The following MST1 variants were observed in gnomAD, a reference collection of about 807,000 sequenced individuals.
The protein encoded by MST1 is hepatocyte growth factor-like protein.
MST1 carries 76 observed loss-of-function variants against 100.1 expected under a neutral mutation model. That is an observed-to-expected ratio of 0.76 (90% CI 0.63 to 0.92). The LOEUF is 0.92. MST1 is among the 40% of genes least tolerant of loss of function. The pLI is 0.00. For missense variants in MST1, 850 were observed against 990.0 expected, an observed-to-expected ratio of 0.86 and a Z score of 1.90; for synonymous variants, 352 against 385.4, an observed-to-expected ratio of 0.91 and a Z score of 1.01.
chr3:49,687,598 T>C lies in MST1; in HGVS notation c.313A>G (p.Arg105Gly), dbSNP rs760024193. The change falls in exon 3 of 18, where the codon AGG (arginine) becomes GGG (glycine). Residue 105 changes from arginine to glycine, a missense_variant. Around this residue, in one of 2 missense-constraint regions of MST1, gnomAD observed 816 missense variants for 924.6 expected, o/e 0.88. Transcript: ENST00000449682. ...LPWTQHSPHT[R>G]LRRSGRCDLF... ...TCACAGCGCCCAGAACGCCGCAGCC[T>C]CGTGTGGGGCGAGTGTTGAGTCCAT... is the stretch of plus-strand genomic sequence containing the variant. The C allele has an allele frequency of 1.2e-6, 2 of 1,613,380 alleles. No homozygotes were observed. Among genetic ancestry groups the C allele is most frequent in the Non-Finnish European group, 1.7e-6 (2 of 1,179,870 alleles).
Position 49,686,643 on chromosome 3 carries a change from G to A in MST1, c.847+41C>T, listed in dbSNP as rs750648061. The A allele has an allele frequency of 1.2e-5, 18 of 1,548,706 alleles. No individual in the cohort carries two copies. In the East Asian group the frequency reaches 3.2e-4, roughly 27 times the overall value. ...CCGGCCAAGCCACGCCCCTCCCCAA[G>A]GTTCCCAGGTACCCTCCCAGGCCTG... On this transcript the variant is annotated intron_variant, in intron 7 of 17. Transcript: ENST00000449682.
At chr3:49,685,176 G>T (rs2933247) in intron 13 of MST1, 86 bp downstream of exon 13, 5 of 1,599,318 alleles carry the variant, frequency 3.1e-6, no homozygotes, top group Non-Finnish European at 4.3e-6. Flanking sequence ...TCTGGGGGCA[G>T]GGATAGATTC....
Position 49,685,857 on chromosome 3 carries a change from C to T in MST1, c.1250+3G>A, listed in dbSNP as rs1303669390. 3.1e-6 allele frequency: 5 copies of T among 1,611,366 alleles called. No homozygotes were observed. The highest frequency in any genetic ancestry group is 4.2e-6 in the Non-Finnish European group (5 of 1,179,440). ...GGCGGGGCCGGGAGCACCAGGGACT[C>T]ACTGCGGCTTGTGCGGCGTCTCAGC... On this transcript the variant is annotated splice_donor_region_variant and intron_variant, in intron 10 of 17. Coordinates refer to ENST00000449682, the MANE Select transcript of MST1 (RefSeq NM_020998.4).
chr3:49,684,768 C>T lies in MST1; in HGVS notation c.1739G>A (p.Gly580Asp). ...PVAKMVCGPS[G>D]SQLVLLKLER... ...CAGCTTGAGCAGGACAAGCTGGGAG[C>T]CTGAGGGCCCACACACCATCTTGGC... The change falls in exon 15 of 18, where the codon GGC becomes GAC. Residue 580 changes from glycine to aspartate, a missense_variant. This residue lies in a region of MST1 where 816 missense variants were observed against 924.6 expected (regional missense o/e 0.88). Coordinates refer to ENST00000449682, the MANE Select transcript of MST1 (RefSeq NM_020998.4). 1 of 1,613,532 alleles carries T rather than the reference C, an allele frequency of 6.2e-7. No individual in the cohort carries two copies.
chr3:49,688,474 G>A, intron 1 of MST1, 124 bp downstream of exon 1: 4 of 815,496 alleles, frequency 4.9e-6, no homozygotes, highest in Non-Finnish European at 7.8e-6. Context: ...TGCTCAAGAG[G>A]GCAAGGTCAC....
chr3:49,687,702 C>G (rs754938067), intron 2 of MST1, 34 bp from the exon 3 acceptor site: 3 of 1,613,478 alleles, frequency 1.9e-6, no homozygotes, highest in African/African-American at 1.3e-5. Flanking sequence ...AACGCCACAG[C>G]CCAGGCTTCC....
rs752850144 is a variant in MST1, at chr3:49,687,433, C to T, written c.401G>A (p.Gly134Asp). ...GCCACCCACGGTCGTGGCCATGGTG[C>T]CCCGGTACCCAACCCCATTGTTCAT... ...CIMNNGVGYR[G>D]TMATTVGGLP... Residue 134 changes from glycine (G) to aspartate (D), a missense_variant, in exon 4 of 18, where the codon GGC (glycine) becomes GAC (aspartate). Around this residue, in one of 2 missense-constraint regions of MST1, gnomAD observed 816 missense variants for 924.6 expected, o/e 0.88. Coordinates refer to ENST00000449682, the MANE Select transcript of MST1 (RefSeq NM_020998.4). 2 of 1,613,422 alleles carry T rather than the reference C, an allele frequency of 1.2e-6. No individual in the cohort carries two copies. The highest frequency in any genetic ancestry group is 2.2e-5 in the South Asian group (2 of 91,084).
Position 49,685,273 on chromosome 3 carries a change from G to A in MST1, c.1533C>T (p.Ser511=), listed in dbSNP as rs149138392. Residue 511 remains serine, a synonymous_variant, in exon 13 of 18, where the codon AGC becomes AGT. Coordinates refer to ENST00000449682, the MANE Select transcript of MST1 (RefSeq NM_020998.4). The part of the protein sequence containing the change: ...GHPGNSPWTV[S]LRNRQGQHFC... ...CAGTTGTGCCTCACCGATTCCGCAA[G>A]CTGACTGTCCAGGGTGAGTTGCCCG... 2.3e-3 allele frequency: 3,651 copies of A among 1,613,368 alleles called. 4 individuals are homozygous for A. Among genetic ancestry groups the A allele is most frequent in the Admixed American group, 2.5e-3 (150 of 60,016 alleles).
At chr3:49,685,790 G>T in intron 10 of MST1, 58 bp from the exon 11 acceptor site, 2 of 1,612,788 alleles carry the variant, frequency 1.2e-6, no homozygotes, top group Non-Finnish European at 8.5e-7. Flanking sequence ...TCCAGGCTCT[G>T]GTCCCAGACA....
At position 49,687,353 on chromosome 3, in the gene MST1, G is replaced by A; in HGVS notation, c.470+11C>T. ...CCCCAGGCCGGGACGGAGGGAAGGT[G>A]TTTGTCTCACTTGTGATCATTTGGG... On this transcript the variant is annotated intron_variant, in intron 4 of 17. Coordinates refer to ENST00000449682, the MANE Select transcript of MST1 (RefSeq NM_020998.4). 1 of 1,613,484 alleles carries A rather than the reference G, an allele frequency of 6.2e-7. No homozygotes were observed.
In MST1 at chr3:49,687,733, G is replaced by A. The variant is rs770369673; in HGVS notation, c.242+17C>T. On this transcript the variant is annotated intron_variant, in intron 2 of 17. Transcript: ENST00000449682. ...CTTCCCTGCCCCCAGTCTTATCTAG[G>A]CCCAGTGGCCACTCACCGGCAGTCC... 2 of 1,613,400 alleles carry A rather than the reference G, an allele frequency of 1.2e-6. No homozygotes were observed. Among genetic ancestry groups the A allele is most frequent in the African/African-American group, 1.3e-5 (1 of 74,926 alleles).
chr3:49,686,873 C>G (rs1170757110), intron 6 of MST1, 71 bp from the exon 7 acceptor site: 2 of 1,612,060 alleles, frequency 1.2e-6, no homozygotes, highest in Non-Finnish European at 1.7e-6. Context: ...AATTGCCCTA[C>G]ACGGAGCCCT....
rs1409765654 is a variant in MST1 at position 49,685,676 on chromosome 3, G to A, written c.1307C>T (p.Pro436Leu). The change falls in exon 11 of 18, where the codon CCA (proline) becomes CTA (leucine). Residue 436 changes from proline to leucine, a missense_variant. Pro to Leu is a moderately conservative substitution (Grantham distance 98). Transcript: ENST00000449682. ...CCAGGGCCCATGGCTATCCCCATCT[G>A]GGTTCCGGCAGAAGTTCTCCTCCAG... ...AQLEENFCRN[P>L]DGDSHGPWCY... 6.2e-7 allele frequency: 1 copy of A among 1,613,438 alleles called. No homozygotes were observed. The highest frequency in any genetic ancestry group is 1.3e-5 in the African/African-American group (1 of 75,044).
At position 49,687,631 on chromosome 3, in the gene MST1, G is replaced by A. The variant is rs2053889675; in HGVS notation, c.280C>T (p.Leu94=). The change falls in exon 3 of 18, where the codon CTG becomes TTG. Residue 94 remains leucine (L), a synonymous_variant. Coordinates refer to ENST00000449682, the MANE Select transcript of MST1 (RefSeq NM_020998.4). ...HYNVSSHGCQ[L]LPWTQHSPHT... is the part of the protein sequence containing the mutation. ...GGCGAGTGTTGAGTCCATGGCAGCA[G>A]TTGGCAACCATGGCTGCTCACGTTG... 6.2e-7 allele frequency: 1 copy of A among 1,613,618 alleles called. No homozygotes were observed. The highest frequency in any genetic ancestry group is 8.5e-7 in the Non-Finnish European group (1 of 1,179,874).
In MST1 at chr3:49,684,596, C is replaced by A. The variant is rs776164284; in HGVS notation, c.1830G>T (p.Val610=). 2.5e-6 allele frequency: 4 copies of A among 1,613,824 alleles called. No individual in the cohort carries two copies. The Admixed American group carries it at 6.7e-5, about 27-fold the overall frequency. Residue 610 remains valine, a synonymous_variant, in exon 16 of 18, where the codon GTG becomes GTT. Transcript: ENST00000449682. ...CAATCTCACACTTGGTCCCTGGAGG[C>A]ACCACATACCATTCAGGGGGCAGGC... is the stretch of plus-strand genomic sequence containing the variant. ...LICLPPEWYV[V]PPGTKCEIAG... is the part of the protein sequence containing the mutation.
rs775615212 is a variant in MST1, at chr3:49,687,082, C to A, written c.608-15G>T. 4 of 1,612,588 alleles carry A rather than the reference C, an allele frequency of 2.5e-6. No individual in the cohort carries two copies. The East Asian group carries it at 8.9e-5, about 36-fold the overall frequency. Reference sequence around the variant, plus strand: ...GACACACGCGGCTGGAGACAAAGAGCCAGTGGGTTCGTGGATGGACGTGGG... The same window carrying A: ...GACACACGCGGCTGGAGACAAAGAGACAGTGGGTTCGTGGATGGACGTGGG... On this transcript the variant is annotated splice_polypyrimidine_tract_variant and intron_variant, in intron 5 of 17. Coordinates refer to ENST00000449682, the MANE Select transcript of MST1 (RefSeq NM_020998.4).
At chr3:49,685,116 T>G (rs2476570) in intron 13 of MST1, 27 bp from the exon 14 acceptor site, 2 of 1,603,058 alleles carry the variant, frequency 1.2e-6, no homozygotes, top group South Asian at 1.1e-5. Context: ...TTAGGACAGG[T>G]AACAGACTCC....
At chr3:49,687,102 C>G (rs753722784) in intron 5 of MST1, 35 bp from the exon 6 acceptor site, 4 of 1,612,764 alleles carry the variant, frequency 2.5e-6, no homozygotes, top group Non-Finnish European at 3.4e-6. Flanking sequence ...CGTGGATGGA[C>G]GTGGGCTTGT....
chr3:49,686,477 G>A lies in MST1; in HGVS notation c.852C>T (p.Ser284=), dbSNP rs569068652. The change falls in exon 8 of 18, where the codon TCC becomes TCT. Residue 284 remains serine (S), a synonymous_variant. Coordinates refer to ENST00000449682, the MANE Select transcript of MST1 (RefSeq NM_020998.4). ...TGGCCTCTTGGCGGGGCTGTGCCTC[G>A]GACCCTTAGATGGACCGAGATAGGT... ...REFCDLPRCG[S]EAQPRQEATT... The A allele has an allele frequency of 7.4e-6, 12 of 1,612,364 alleles. No individual in the cohort carries two copies. The East Asian group carries it at 2.2e-4, about 30-fold the overall frequency.
Sources: gnomAD v4.1 joint callset for allele counts on GRCh38, gnomAD v4.1.1 for gene constraint, gnomAD v4.1.1 regional missense constraint, MANE v1.5 for transcripts, NCBI Gene and HGNC (gene_info 2026-07-23, HGNC 2026-07-21) for gene names.